MLH3: variants seen among roughly 807,000 people sequenced by gnomAD.
The protein encoded by MLH3 is DNA mismatch repair protein Mlh3.
A neutral mutation model predicts 122.2 loss-of-function variants in MLH3; 82 were observed. The ratio of observed to expected loss-of-function variants is 0.67; its 90% CI spans 0.56 to 0.81. The LOEUF (loss-of-function observed/expected upper bound fraction) is 0.81. Ranked by LOEUF, MLH3 falls within the 30% of genes least tolerant of loss-of-function variation. MLH3 has a pLI of 0.00. For synonymous variants in MLH3, 524 were observed against 599.5 expected (o/e 0.87, Z 1.84); for missense variants, 1,539 against 1,714.5 (o/e 0.90, Z 1.81).
Position 75,015,490 on chromosome 14 carries a change from C to T in MLH3, c.*1592G>A, listed in dbSNP as rs924598889. 3 of 182,588 alleles carry T rather than the reference C, an allele frequency of 1.6e-5. No homozygotes were observed. Among genetic ancestry groups the T allele is most frequent in the Non-Finnish European group, 3.5e-5 (3 of 85,858 alleles). The allele number at this position is 182,588 out of a possible 1,614,324, so 11.3% of individuals were successfully genotyped here. A position where few individuals can be genotyped will look rare whatever the true frequency, so the allele number is the denominator to read the frequency against. ...TTTTACAACTCCCAGGACAGTTGGC[C>T]TCCATGCAGCCCTCAAGCAGGGAGG... On this transcript the variant is annotated 3_prime_UTR_variant, in exon 13 of 13. Coordinates refer to ENST00000355774, the MANE Select transcript of MLH3 (RefSeq NM_001040108.2).
At chr14:75,025,220 TGTAGCCAAAGTTCCTGAAAGA>T (rs1890553932) in intron 9 of MLH3, among the ~76,000 whole-genome samples, 1 of 152,222 alleles carries the variant, frequency 6.6e-6, no homozygotes, top group African/African-American at 2.4e-5. Flanking sequence ...TTCTTCTGTG[TGTAGCCAAAGTTCCTGAAAGA>T]GTTGTCTACT....
chr14:75,040,968 A>G (rs1891813744), intron 4 of MLH3, among the ~76,000 whole-genome samples: 1 of 152,258 alleles, frequency 6.6e-6, no homozygotes, highest in African/African-American at 2.4e-5. Flanking sequence ...ATTTGGAAAT[A>G]TGCCCAGTTT....
chr14:75,031,588 G>T (rs144052678), intron 8 of MLH3, among the ~76,000 whole-genome samples: 283 of 152,340 alleles, frequency 1.9e-3, no homozygotes, highest in Non-Finnish European at 3.2e-3. Flanking sequence ...CAAAGTGGGA[G>T]GATCGCTTGA....
chr14:75,028,631 T>C (rs904511037), intron 9 of MLH3, among the ~76,000 whole-genome samples: 2 of 151,228 alleles, frequency 1.3e-5, no homozygotes, highest in African/African-American at 2.4e-5. Context: ...TTGGCCAGGC[T>C]GGTCTTGAAC....
chr14:75,024,241 G>T lies in MLH3; in HGVS notation c.3988-1223C>A, dbSNP rs28757038. 3.9e-3 allele frequency among the ~76,000 whole-genome samples: 600 copies of T among 152,194 alleles called. 4 individuals carry two copies. The highest frequency in any genetic ancestry group is 0.014 in the African/African-American group (582 of 41,524). The stretch of plus-strand genomic sequence containing the variant: ...TTTGAGATGGAGTTTCACTCTTGTT[G>T]CCCAGGCTGGAGTGCAATGGCACGA... On this transcript the variant is annotated intron_variant, in intron 9 of 12. Coordinates refer to ENST00000355774, the MANE Select transcript of MLH3 (RefSeq NM_001040108.2).
intron 5 of MLH3, 66 bp downstream of exon 5, chr14:75,039,845 C>CTATA (rs1566594267): frequency 1.9e-4 from 60 of 316,512 alleles, no homozygotes; most frequent in Admixed American, 1.7e-3. Flanking sequence ...AAGAGTTAGG[C>CTATA]CATATATATA....
At chr14:75,041,839 T>C (rs1595074103) in intron 3 of MLH3, 139 bp from the exon 4 acceptor site, 1 of 703,954 alleles carries the variant, frequency 1.4e-6, no homozygotes, top group African/African-American at 1.8e-5. Flanking sequence ...TGTTCAGTGT[T>C]TGCTGTATCT....
chr14:75,033,321 T>C, intron 7 of MLH3, 98 bp downstream of exon 7: 2 of 919,612 alleles, frequency 2.2e-6, no homozygotes, highest in Non-Finnish European at 3.6e-6. Flanking sequence ...CAGTACAAAG[T>C]GTGCTTTCTC....
intron 2 of MLH3, among the ~76,000 whole-genome samples, 188 bp downstream of exon 2, chr14:75,046,179 CAAAAAAAAA>C (rs138141680): frequency 1.9e-5 from 1 of 53,750 alleles, no homozygotes; most frequent in East Asian, 5.1e-4. Context: ...GACTCCGTCT[CAAAAAAAAA>C]AAAAAAAAAA....
rs1424702720 is a variant in MLH3, at chr14:75,047,504, G to A, written c.2152C>T (p.Pro718Ser). 9 of 1,613,928 alleles carry A rather than the reference G, an allele frequency of 5.6e-6. No individual in the cohort carries two copies. The highest frequency in any genetic ancestry group is 1.3e-5 in the African/African-American group (1 of 74,918). ...TCATTGGAAACGTGTCTATACCAGGGGAAAGAGGGGGATGTATCAGATAAT... is the reference window on the plus strand; with the variant it reads ...TCATTGGAAACGTGTCTATACCAGGAGAAAGAGGGGGATGTATCAGATAAT... Reference protein sequence around the residue: ...CILSDTSPSFPWYRHVSNDSR... With the variant: ...CILSDTSPSFSWYRHVSNDSR... The change falls in exon 2 of 13, where the codon CCC becomes TCC. Residue 718 changes from proline to serine, a missense_variant. Pro to Ser is a moderately conservative substitution (Grantham distance 74, BLOSUM62 -1). Transcript: ENST00000355774.
rs920388892 is a variant in MLH3 at position 75,047,628 on chromosome 14, T to C, written c.2028A>G (p.Arg676=). The change falls in exon 2 of 13, where the codon AGA becomes AGG. Residue 676 remains arginine, a synonymous_variant. Coordinates refer to ENST00000355774, the MANE Select transcript of MLH3 (RefSeq NM_001040108.2). ...SGQLPNKKNC[R]TNISYGLENE... is the part of the protein sequence containing the mutation. ...TCTCTAGCCCATAACTTATATTCGT[T>C]CTGCAATTTTTTTTGTTGGGCAATT... 1.2e-6 allele frequency: 2 copies of C among 1,614,046 alleles called. No individual in the cohort carries two copies.
chr14:75,021,169 G>T (rs1265211522), intron 11 of MLH3, among the ~76,000 whole-genome samples: 1 of 152,226 alleles, frequency 6.6e-6, no homozygotes, highest in African/African-American at 2.4e-5. Flanking sequence ...AAGCAACCGC[G>T]CCTGGGCGCA....
Position 75,032,943 on chromosome 14 carries a change from A to C in MLH3, c.3715+476T>G, listed in dbSNP as rs141586665. On this transcript the variant is annotated intron_variant, in intron 7 of 12. Transcript: ENST00000355774. ...AGGAGGGGTGGGGACAAGGATAGAA[A>C]GGAGACTTTATTATATTCCCTTTTG... 4.8e-4 allele frequency among the ~76,000 whole-genome samples: 72 copies of C among 149,240 alleles called. No individual in the cohort carries two copies. In the East Asian group the frequency reaches 0.012, roughly 25 times the overall value.
chr14:75,041,796 A>G (rs1290246044), intron 3 of MLH3, 96 bp from the exon 4 acceptor site: 1 of 815,020 alleles, frequency 1.2e-6, no homozygotes, highest in African/African-American at 1.7e-5. Flanking sequence ...CTCAAGACCA[A>G]AGGTCACGTA....
At chr14:75,045,818 C>T (rs1013757490) in intron 2 of MLH3, among the ~76,000 whole-genome samples, 7 of 152,212 alleles carry the variant, frequency 4.6e-5, no homozygotes, top group Admixed American at 3.9e-4. Flanking sequence ...CTTTCTTACA[C>T]ATACACACAC....
At position 75,016,673 on chromosome 14, in the gene MLH3, C is replaced by G. The variant is rs1289688030; in HGVS notation, c.*409G>C. 3.3e-6 allele frequency: 1 copy of G among 306,276 alleles called. No homozygotes were observed. The highest frequency in any genetic ancestry group is 2.2e-5 in the African/African-American group (1 of 46,244). The allele number at this position is 306,276 out of a possible 1,614,324, so 19.0% of individuals were successfully genotyped here. A position where few individuals can be genotyped will look rare whatever the true frequency, so the allele number is the denominator to read the frequency against. On this transcript the variant is annotated 3_prime_UTR_variant, in exon 13 of 13. Transcript: ENST00000355774. ...GGGGGCAGCCTGGGAAGGCAGACTA[C>G]CCCTTGGACTTGAGCATCAGCTGAA... is the stretch of plus-strand genomic sequence containing the variant.
chr14:75,029,984 CA>C (rs35978930), intron 9 of MLH3, among the ~76,000 whole-genome samples: 68,092 of 140,942 alleles, frequency 0.48, 15,901 homozygotes, highest in Middle Eastern at 0.56. Context: ...CCCATCTCTA[CA>C]AAAAAAAAAA....
Position 75,033,403 on chromosome 14 carries a change from G to A in MLH3, c.3715+16C>T, listed in dbSNP as rs375991744. ...TGGGAGTCTCAAATTTTTTCTGGCT[G>A]CAAACAGATCCTTACCAATGATAAG... On this transcript the variant is annotated intron_variant, in intron 7 of 12. Transcript: ENST00000355774. The A allele has an allele frequency of 3.7e-6, 6 of 1,612,852 alleles. No individual in the cohort carries two copies. The highest frequency in any genetic ancestry group is 2.2e-5 in the East Asian group (1 of 44,888).
rs149001234 is a variant in MLH3, at chr14:75,027,458, C to T, written c.3987+3085G>A. ...TATTTTTGGTAGAGACAGGGTTTCA[C>T]CACGTTGGCCAGGCTGGTCTCAAAA... On this transcript the variant is annotated intron_variant, in intron 9 of 12. Coordinates refer to ENST00000355774, the MANE Select transcript of MLH3 (RefSeq NM_001040108.2). Among the ~76,000 whole-genome samples the T allele has an allele frequency of 7.5e-4, 114 of 151,944 alleles. 1 individual carries two copies. The East Asian group carries it at 0.019, about 26-fold the overall frequency.
Sources: allele counts gnomAD v4.1 joint callset (sites outside exome capture counted in the v4.1 genomes callset), GRCh38; gene constraint gnomAD v4.1.1; transcripts MANE v1.5; gene names NCBI Gene and HGNC (gene_info 2026-07-23, HGNC 2026-07-21).